The following DLC1 variants were observed in gnomAD, a reference collection of about 807,000 sequenced individuals.
DLC1 encodes the protein rho GTPase-activating protein 7.
In DLC1, 54 loss-of-function variants were observed where a neutral mutation model predicts 140.3. That is an observed-to-expected ratio of 0.38 (90% CI 0.31 to 0.48). The LOEUF (loss-of-function observed/expected upper bound fraction) is 0.48, where lower values mean the gene tolerates loss of function less well. DLC1 is among the 20% of genes least tolerant of loss of function. The pLI is 0.96. For missense variants in DLC1, 2,536 were observed against 1,907.0 expected (o/e 1.33, Z -6.14); for synonymous variants, 986 against 728.1 (o/e 1.35, Z -5.70).
chr8:13,296,175 C>T (rs969678687), intron 5 of DLC1, among the ~76,000 whole-genome samples: 31 of 151,686 alleles, frequency 2.0e-4, no homozygotes, highest in Non-Finnish European at 2.2e-4. Flanking sequence ...AGGCTGGTCT[C>T]GAGCTCTTGG....
intron 5 of DLC1, among the ~76,000 whole-genome samples, chr8:13,153,157 G>A (rs1275868587): frequency 6.6e-6 from 1 of 152,172 alleles, no homozygotes; most frequent in African/African-American, 2.4e-5. Flanking sequence ...TCTTAAAGAT[G>A]GTGTGTCTGG....
chr8:13,083,430 T>C lies in DLC1; in HGVS notation c.*2381A>G, dbSNP rs1349340046. On this transcript the variant is annotated 3_prime_UTR_variant, in exon 18 of 18. Coordinates refer to ENST00000276297, the MANE Select transcript of DLC1 (RefSeq NM_182643.3). ...AAATACTGAAAGCCGCTGCAGGGGA[T>C]TATAAAGATGTGTAAGAGACAAGCC... 2 of 152,056 alleles carry C rather than the reference T, an allele frequency of 1.3e-5. No homozygotes were observed. The highest frequency in any genetic ancestry group is 6.6e-5 in the Admixed American group (1 of 15,240). The allele number at this position is 152,056 out of a possible 1,614,324, so 9.4% of individuals were successfully genotyped here.
At chr8:13,459,251 C>T (rs890350900) in intron 2 of DLC1, among the ~76,000 whole-genome samples, 1 of 152,072 alleles carries the variant, frequency 6.6e-6, no homozygotes. Flanking sequence ...TTCTTCCTTT[C>T]CCTCCCCCTC....
chr8:13,471,748 G>T (rs182352352), intron 2 of DLC1, among the ~76,000 whole-genome samples: 3 of 152,026 alleles, frequency 2.0e-5, no homozygotes, highest in African/African-American at 4.8e-5. Context: ...AAAGGAGAAA[G>T]AGAGAAAGAG....
At chr8:13,162,752 C>A (rs1241261456) in intron 5 of DLC1, among the ~76,000 whole-genome samples, 1 of 152,100 alleles carries the variant, frequency 6.6e-6, no homozygotes, top group African/African-American at 2.4e-5. Flanking sequence ...CCAGCCTGGG[C>A]AGCACAGTGA....
chr8:13,287,339 C>G (rs1014983273), intron 5 of DLC1, among the ~76,000 whole-genome samples: 1 of 152,062 alleles, frequency 6.6e-6, no homozygotes, highest in Non-Finnish European at 1.5e-5. Flanking sequence ...TTGAATCTAA[C>G]GATAAAAAAA....
intron 1 of DLC1, among the ~76,000 whole-genome samples, chr8:13,502,889 G>A (rs1182887681): frequency 1.3e-5 from 2 of 152,114 alleles, no homozygotes; most frequent in Non-Finnish European, 2.9e-5. Flanking sequence ...GAATTTCCAT[G>A]GGGATTTTTC....
chr8:13,095,331 G>C (rs542745061), intron 10 of DLC1, 86 bp from the exon 11 acceptor site: 1 of 1,539,206 alleles, frequency 6.5e-7, no homozygotes, highest in South Asian at 1.2e-5. Context: ...GGCAAACCCT[G>C]TGGGCTCCAG....
chr8:13,388,037 A>G (rs1207103621), intron 4 of DLC1, among the ~76,000 whole-genome samples: 1 of 152,048 alleles, frequency 6.6e-6, no homozygotes, highest in Non-Finnish European at 1.5e-5. Flanking sequence ...AACCATGCAT[A>G]CATAAATTAT....
At chr8:13,374,368 G>C (rs187617367) in intron 4 of DLC1, among the ~76,000 whole-genome samples, 4 of 152,250 alleles carry the variant, frequency 2.6e-5, no homozygotes, top group African/African-American at 9.6e-5. Context: ...AGGCTAAGCA[G>C]TTCAAGATCA....
intron 4 of DLC1, among the ~76,000 whole-genome samples, chr8:13,334,548 G>C (rs1468212417): frequency 1.3e-5 from 2 of 152,166 alleles, no homozygotes; most frequent in South Asian, 2.1e-4. Context: ...GACCAAACCA[G>C]GTTTGTGGGA....
At chr8:13,231,187 C>T (rs993479645) in intron 5 of DLC1, among the ~76,000 whole-genome samples, 12 of 151,904 alleles carry the variant, frequency 7.9e-5, no homozygotes, top group African/African-American at 2.9e-4. Flanking sequence ...TATTTCTAGG[C>T]CTCAATGCCT....
At position 13,086,397 on chromosome 8, in the gene DLC1, G is replaced by A. The variant is rs141467403; in HGVS notation, c.4359C>T (p.Arg1453=). The A allele has an allele frequency of 8.2e-5, 132 of 1,614,204 alleles. No individual in the cohort carries two copies. Among genetic ancestry groups the A allele is most frequent in the African/African-American group, 1.6e-4 (12 of 75,042 alleles). ...ALLLTSVDHD[R]APVVGVRVNV... The stretch of plus-strand genomic sequence containing the variant: ...TAACCCTCACACCCACCACAGGTGC[G>A]CGATCGTGATCCACAGAGGTTAGTA... Residue 1453 remains arginine (R), a synonymous_variant, in exon 17 of 18, where the codon CGC becomes CGT. Coordinates refer to ENST00000276297, the MANE Select transcript of DLC1 (RefSeq NM_182643.3).
At chr8:13,171,341 C>T (rs1021376028) in intron 5 of DLC1, among the ~76,000 whole-genome samples, 5 of 152,198 alleles carry the variant, frequency 3.3e-5, no homozygotes, top group Non-Finnish European at 7.3e-5. Context: ...CACAGAGTCA[C>T]TAGGGACCGA....
chr8:13,193,129 C>A (rs1826856392), intron 5 of DLC1, among the ~76,000 whole-genome samples: 1 of 152,158 alleles, frequency 6.6e-6, no homozygotes, highest in African/African-American at 2.4e-5. Context: ...GGAGAGACCT[C>A]TCAATCTTAG....
At position 13,499,264 on chromosome 8, in the gene DLC1, A is replaced by G; in HGVS notation, c.808T>C (p.Leu270=). The G allele has an allele frequency of 6.2e-7, 1 of 1,614,182 alleles. No individual in the cohort carries two copies. Among genetic ancestry groups the G allele is most frequent in the Non-Finnish European group, 8.5e-7 (1 of 1,180,018 alleles). The change falls in exon 2 of 18, where the codon TTA becomes CTA. Residue 270 remains leucine, a synonymous_variant. Coordinates refer to ENST00000276297, the MANE Select transcript of DLC1 (RefSeq NM_182643.3). ...TPCTNRGLPL[L]KTDFGSCLLQ... is the part of the protein sequence containing the mutation. Reference sequence around the variant, plus strand: ...AGGCAGCTTCCAAAATCTGTTTTTAATAATGGCAGTCCTCTGTTTGTGCAA... The same window carrying G: ...AGGCAGCTTCCAAAATCTGTTTTTAGTAATGGCAGTCCTCTGTTTGTGCAA...
At chr8:13,349,882 T>C (rs929977610) in intron 4 of DLC1, among the ~76,000 whole-genome samples, 9 of 152,044 alleles carry the variant, frequency 5.9e-5, no homozygotes, top group African/African-American at 2.2e-4. Flanking sequence ...GGTTTGGAGG[T>C]GAATGTAGCC....
At position 13,486,890 on chromosome 8, in the gene DLC1, C is replaced by T. The variant is rs1044470198; in HGVS notation, c.1023+12159G>A. ...AGTCCCAACTACACAACAGCAAATA[C>T]ATAGGGTGAGAAATAATCATTCTGT... is the stretch of plus-strand genomic sequence containing the variant. On this transcript the variant is annotated intron_variant, in intron 2 of 17. Transcript: ENST00000276297. Among the ~76,000 whole-genome samples the T allele has an allele frequency of 2.7e-4, 41 of 152,124 alleles. 1 individual carries two copies. Among genetic ancestry groups the T allele is most frequent in the African/African-American group, 7.7e-4 (32 of 41,434 alleles).
chr8:13,446,976 G>A (rs576338700), intron 2 of DLC1, among the ~76,000 whole-genome samples: 3 of 150,616 alleles, frequency 2.0e-5, no homozygotes, highest in Admixed American at 1.3e-4. Flanking sequence ...GAAAGACAAC[G>A]GAAGAAGGAA....
Sources: allele counts gnomAD v4.1 joint callset (sites outside exome capture counted in the v4.1 genomes callset), GRCh38; gene constraint gnomAD v4.1.1; transcripts MANE v1.5; gene names NCBI Gene and HGNC (gene_info 2026-07-23, HGNC 2026-07-21).